DSCAML1: variants seen among roughly 807,000 people sequenced by gnomAD.
DSCAML1 encodes the protein DS cell adhesion molecule like 1.
DSCAML1 carries 38 observed loss-of-function variants against 200.5 expected under a neutral mutation model. That is an observed-to-expected ratio of 0.19 (90% CI 0.15 to 0.25). DSCAML1 has a LOEUF of 0.25. DSCAML1 is among the 10% of genes least tolerant of loss of function. The probability of loss-of-function intolerance (pLI) is 1.00; values close to 1 mark genes in which losing one functional copy is unlikely to be tolerated. For missense variants in DSCAML1, 2,223 were observed against 2,858.8 expected (o/e 0.78, Z 5.07); for synonymous variants, 1,215 against 1,165.0 (o/e 1.04, Z -0.87).
At chr11:117,615,590 G>T (rs1279647985) in intron 3 of DSCAML1, among the ~76,000 whole-genome samples, 1 of 152,132 alleles carries the variant, frequency 6.6e-6, no homozygotes, top group African/African-American at 2.4e-5. Flanking sequence ...CACCCCCCAG[G>T]TGTTGGTGGT....
chr11:117,703,936 T>G (rs1332104928), intron 3 of DSCAML1, among the ~76,000 whole-genome samples: 1 of 152,218 alleles, frequency 6.6e-6, no homozygotes, highest in East Asian at 1.9e-4. Context: ...AACTCTTCTC[T>G]TGTATTAATA....
chr11:117,774,368 C>T (rs544978447), intron 3 of DSCAML1, among the ~76,000 whole-genome samples: 5 of 152,326 alleles, frequency 3.3e-5, no homozygotes, highest in East Asian at 3.9e-4. Flanking sequence ...AAACCGCAAG[C>T]GCAAATGCTC....
At chr11:117,807,418 G>A (rs1007009208) in intron 1 of DSCAML1, among the ~76,000 whole-genome samples, 4 of 152,158 alleles carry the variant, frequency 2.6e-5, no homozygotes, top group African/African-American at 9.7e-5. Flanking sequence ...TCCTCTGCCT[G>A]GGAGGAAATG....
At chr11:117,600,624 C>T (rs2051448373) in intron 3 of DSCAML1, among the ~76,000 whole-genome samples, 1 of 152,192 alleles carries the variant, frequency 6.6e-6, no homozygotes, top group South Asian at 2.1e-4. Context: ...TCTGAGCCAC[C>T]ACATTAGGCA....
At chr11:117,519,445 G>A (rs12277786) in intron 6 of DSCAML1, among the ~76,000 whole-genome samples, 88 of 152,326 alleles carry the variant, frequency 5.8e-4, no homozygotes, top group African/African-American at 2.0e-3. Context: ...GCTTCCTCAC[G>A]TGGAACACGG....
intron 3 of DSCAML1, among the ~76,000 whole-genome samples, chr11:117,775,803 A>G (rs959405074): frequency 3.8e-4 from 58 of 151,176 alleles, no homozygotes; most frequent in African/African-American, 1.3e-3. Context: ...AGGCTTAAGA[A>G]CCCCTGCTTT....
intron 24 of DSCAML1, 56 bp from the exon 25 acceptor site, chr11:117,438,139 C>T (rs2047960510): frequency 2.0e-6 from 3 of 1,527,048 alleles, no homozygotes; most frequent in African/African-American, 1.4e-5. Context: ...GCAGCAGAAG[C>T]CCAGCCTCAG....
At chr11:117,766,161 G>A (rs764271986) in intron 3 of DSCAML1, among the ~76,000 whole-genome samples, 11 of 152,182 alleles carry the variant, frequency 7.2e-5, no homozygotes, top group South Asian at 2.1e-4. Context: ...CCCAGCACAG[G>A]CCTCCGCACA....
intron 3 of DSCAML1, among the ~76,000 whole-genome samples, chr11:117,732,241 A>G (rs1443497826): frequency 6.6e-6 from 1 of 152,202 alleles, no homozygotes; most frequent in African/African-American, 2.4e-5. Flanking sequence ...CTCATGATAA[A>G]CAAGTATTAT....
rs768133227 is a variant in DSCAML1 at position 117,469,955 on chromosome 11, A to G, written c.2979T>C (p.Val993=). ...EAAPDGPPMD[V]TLQPVTSQSI... is the part of the protein sequence containing the mutation. ...TCTGTGAGGTCACTGGCTGCAAGGT[A>G]ACATCCATGGGGGGCCCATCGGGAG... Residue 993 remains valine, a synonymous_variant, in exon 16 of 33, where the codon GTT becomes GTC. Transcript: ENST00000651296. This position sits in a 1 kb window ranked among gnomAD's most constrained non-coding sequence, Gnocchi z 4.1. The G allele has an allele frequency of 2.2e-5, 35 of 1,607,362 alleles. No individual in the cohort carries two copies. The highest frequency in any genetic ancestry group is 4.0e-5 in the African/African-American group (3 of 74,876).
At chr11:117,625,467 A>C (rs1371056887) in intron 3 of DSCAML1, among the ~76,000 whole-genome samples, 22 of 152,114 alleles carry the variant, frequency 1.4e-4, no homozygotes, top group Admixed American at 1.4e-3. Context: ...CGCAGGGGAG[A>C]AGTGTGAACA....
intron 21 of DSCAML1, among the ~76,000 whole-genome samples, chr11:117,440,405 A>G (rs2048019206): frequency 6.6e-6 from 1 of 152,188 alleles, no homozygotes; most frequent in Non-Finnish European, 1.5e-5. Context: ...AAGACTTTAT[A>G]AGCAGGGAAG....
chr11:117,464,816 C>A (rs980097341), intron 17 of DSCAML1, 126 bp downstream of exon 17: 2 of 1,432,732 alleles, frequency 1.4e-6, no homozygotes. Flanking sequence ...TGCAGGGAGC[C>A]TGCGTGGACC....
At chr11:117,730,015 A>G (rs1032945131) in intron 3 of DSCAML1, among the ~76,000 whole-genome samples, 4 of 152,220 alleles carry the variant, frequency 2.6e-5, no homozygotes, top group Admixed American at 6.5e-5. Flanking sequence ...CCTGGCCAAC[A>G]TGGTGAAACT....
intron 3 of DSCAML1, among the ~76,000 whole-genome samples, chr11:117,637,026 G>T (rs975358912): frequency 1.3e-5 from 2 of 152,118 alleles, no homozygotes; most frequent in African/African-American, 4.8e-5. Flanking sequence ...GTGGGGTCAT[G>T]CTTTCTCTTG....
At chr11:117,533,368 A>C (rs1180051589) in intron 3 of DSCAML1, among the ~76,000 whole-genome samples, 2 of 152,216 alleles carry the variant, frequency 1.3e-5, no homozygotes, top group East Asian at 3.8e-4. Flanking sequence ...CAGGAAGTGG[A>C]CTGGAACTTC....
At chr11:117,592,755 T>C (rs1266337646) in intron 3 of DSCAML1, among the ~76,000 whole-genome samples, 1 of 152,238 alleles carries the variant, frequency 6.6e-6, no homozygotes, top group Non-Finnish European at 1.5e-5. Context: ...AGCTGAGGCA[T>C]ACAGAGGTGA....
chr11:117,486,469 A>AGTGGCAGAT (rs1565731600), intron 11 of DSCAML1, among the ~76,000 whole-genome samples: 3 of 49,520 alleles, frequency 6.1e-5, no homozygotes, highest in Admixed American at 2.9e-4. Context: ...CGGATGTGAA[A>AGTGGCAGAT]ATGGTGGATG....
At chr11:117,629,636 G>A (rs528776581) in intron 3 of DSCAML1, among the ~76,000 whole-genome samples, 1 of 152,282 alleles carries the variant, frequency 6.6e-6, no homozygotes, top group African/African-American at 2.4e-5. Flanking sequence ...CTCAGAGACA[G>A]TCAGGGAGAC....
Sources: allele counts gnomAD v4.1 joint callset (sites outside exome capture counted in the v4.1 genomes callset), GRCh38; gene constraint gnomAD v4.1.1; non-coding constraint Gnocchi (gnomAD v3.1); transcripts MANE v1.5; gene names NCBI Gene and HGNC (gene_info 2026-07-23, HGNC 2026-07-21).